The following PLEKHA1 variants were observed in gnomAD, a reference collection of about 807,000 sequenced individuals.
PLEKHA1 encodes pleckstrin homology domain-containing family A member 1.
In PLEKHA1, 34 loss-of-function variants were observed where a neutral mutation model predicts 52.0. That is an observed-to-expected ratio of 0.65 (90% CI 0.50 to 0.87). PLEKHA1 has a LOEUF of 0.87. Among genes scored for constraint, PLEKHA1 ranks in the 40% least tolerant of loss-of-function variants. PLEKHA1 has a pLI of 0.00. For synonymous variants in PLEKHA1, 163 were observed against 170.7 expected (o/e 0.95, Z 0.35); for missense variants, 497 against 504.2 (o/e 0.99, Z 0.14).
chr10:122,398,578 G>A (rs2096883116), intron 3 of PLEKHA1, among the ~76,000 whole-genome samples: 1 of 143,592 alleles, frequency 7.0e-6, no homozygotes, highest in African/African-American at 2.5e-5. Flanking sequence ...ATGCTGAGGT[G>A]CTAACCCTAT....
chr10:122,431,616 C>T lies in PLEKHA1; in HGVS notation c.*1678C>T, dbSNP rs2097417676. On this transcript the variant is annotated 3_prime_UTR_variant, in exon 12 of 12. Transcript: ENST00000368990. ...GAGACAGAAAAATTTCCTACTACAGCAGTGCAGTCCAGAGGTTAAGATGTA... is the reference window on the plus strand; with the variant it reads ...GAGACAGAAAAATTTCCTACTACAGTAGTGCAGTCCAGAGGTTAAGATGTA... The T allele has an allele frequency of 6.6e-6, 1 of 152,600 alleles. No individual in the cohort carries two copies. The highest frequency in any genetic ancestry group is 2.4e-5 in the African/African-American group (1 of 41,436). 9.5% of individuals were successfully genotyped at this position (152,600 alleles called of 1,614,324 possible).
At chr10:122,418,030 TTATA>T in intron 8 of PLEKHA1, 62 bp downstream of exon 8, 6 of 1,297,436 alleles carry the variant, frequency 4.6e-6, no homozygotes, top group Non-Finnish European at 6.6e-6. Context: ...AATGTAGTGA[TTATA>T]TATAATTTCT....
At position 122,413,013 on chromosome 10, in the gene PLEKHA1, G is replaced by A. The variant is rs541691922; in HGVS notation, c.436G>A (p.Val146Ile). The A allele has an allele frequency of 3.7e-6, 6 of 1,613,368 alleles. No individual in the cohort carries two copies. The highest frequency in any genetic ancestry group is 1.1e-5 in the South Asian group (1 of 91,022). ...KKQVSYRTDIVGGVPIITPTQ... is the reference protein window; with the variant it reads ...KKQVSYRTDIIGGVPIITPTQ... ...GCAAGTGTCTTACAGAACTGATATT[G>A]TTGGTGGCGTACCCATCATTACTCC... Residue 146 changes from valine (V) to isoleucine (I), a missense_variant, in exon 6 of 12, where the codon GTT (valine) becomes ATT (isoleucine). Transcript: ENST00000368990.
chr10:122,439,150 T>A, the PLEKHA1 span: 1 of 152,222 alleles, frequency 6.6e-6, no homozygotes, highest in Non-Finnish European at 1.5e-5. Flanking sequence ...AATATTTTTA[T>A]CCCTCTTTAA....
chr10:122,411,526 C>T (rs887853903), intron 5 of PLEKHA1, among the ~76,000 whole-genome samples: 6 of 152,158 alleles, frequency 3.9e-5, no homozygotes, highest in Non-Finnish European at 8.8e-5. Context: ...GGTTTTAGAG[C>T]AGTGTTTCTC....
At chr10:122,442,424 T>C in the PLEKHA1 span, 1 of 152,206 alleles carries the variant, frequency 6.6e-6, no homozygotes, top group African/African-American at 2.4e-5. Context: ...ATAAAAATGA[T>C]TTGTAATTTC....
At chr10:122,377,853 A>G (rs1220165078) in intron 1 of PLEKHA1, among the ~76,000 whole-genome samples, 1 of 152,202 alleles carries the variant, frequency 6.6e-6, no homozygotes, top group Non-Finnish European at 1.5e-5. Context: ...GATAATATTC[A>G]GGAAGATAGG....
intron 3 of PLEKHA1, among the ~76,000 whole-genome samples, chr10:122,398,659 T>C (rs967819118): frequency 6.6e-6 from 1 of 151,742 alleles, no homozygotes; most frequent in African/African-American, 2.4e-5. Context: ...GTTTGTTGAT[T>C]ACTTATATAT....
At chr10:122,383,403 T>G (rs549331905) in intron 1 of PLEKHA1, among the ~76,000 whole-genome samples, 1 of 147,678 alleles carries the variant, frequency 6.8e-6, no homozygotes, top group African/African-American at 2.5e-5. Context: ...TACTGCAGAC[T>G]CAATCTCCTG....
At chr10:122,408,611 TA>T (rs1486550548) in intron 5 of PLEKHA1, among the ~76,000 whole-genome samples, 7 of 152,160 alleles carry the variant, frequency 4.6e-5, no homozygotes, top group Non-Finnish European at 1.0e-4. Context: ...GATTTGATAG[TA>T]CTTATTAAAA....
intron 10 of PLEKHA1, among the ~76,000 whole-genome samples, chr10:122,426,316 A>G (rs1198957617): frequency 6.7e-6 from 1 of 149,756 alleles, no homozygotes; most frequent in Non-Finnish European, 1.5e-5. Context: ...AGTCTTTGTT[A>G]ATATTACTTA....
chr10:122,426,865 C>T lies in PLEKHA1; in HGVS notation c.811-77C>T, dbSNP rs979157549. ...TGTTGATGACAGTATTTTAAGTTAT[C>T]AAAATAAATACATTGGCTGTATAGA... On this transcript the variant is annotated intron_variant, in intron 10 of 11. Coordinates refer to ENST00000368990, the MANE Select transcript of PLEKHA1 (RefSeq NM_001001974.4). 11 of 1,222,890 alleles carry T rather than the reference C, an allele frequency of 9.0e-6. No individual in the cohort carries two copies. In the East Asian group the frequency reaches 1.7e-4, roughly 19 times the overall value. 75.8% of individuals were successfully genotyped at this position (1,222,890 alleles called of 1,614,324 possible). A position where few individuals can be genotyped will look rare whatever the true frequency, so the allele number is the denominator to read the frequency against.
intron 6 of PLEKHA1, among the ~76,000 whole-genome samples, chr10:122,414,964 C>A (rs1045707987): frequency 6.6e-6 from 1 of 151,552 alleles, no homozygotes; most frequent in Admixed American, 6.6e-5. Context: ...AGGTGTTTAT[C>A]GTAGAGAAAG....
In PLEKHA1 at chr10:122,430,050, C is replaced by A; in HGVS notation, c.*112C>A. 1.7e-6 allele frequency: 2 copies of A among 1,147,646 alleles called. No individual in the cohort carries two copies. The highest frequency in any genetic ancestry group is 2.4e-6 in the Non-Finnish European group (2 of 825,990). 71.1% of individuals were successfully genotyped at this position (1,147,646 alleles called of 1,614,324 possible). A position where few individuals can be genotyped will look rare whatever the true frequency, so the allele number is the denominator to read the frequency against. The stretch of plus-strand genomic sequence containing the variant: ...GGTTTTTAGTGCGTATATTATACTG[C>A]CTCTTAGGTGTACTCTTTATAAGCT... On this transcript the variant is annotated 3_prime_UTR_variant, in exon 12 of 12. Coordinates refer to ENST00000368990, the MANE Select transcript of PLEKHA1 (RefSeq NM_001001974.4).
downstream of PLEKHA1, chr10:122,433,535 T>A (rs1032488683): frequency 7.9e-5 from 12 of 152,290 alleles, no homozygotes; most frequent in East Asian, 2.3e-3. Flanking sequence ...TGTTCTTTTT[T>A]TTTTTCTCAG....
intron 6 of PLEKHA1, 43 bp downstream of exon 6, chr10:122,413,088 T>C: frequency 2.6e-6 from 4 of 1,513,458 alleles, no homozygotes; most frequent in Non-Finnish European, 3.6e-6. Flanking sequence ...CTAATTATTG[T>C]ATATTGATTT....
chr10:122,397,847 T>C, intron 2 of PLEKHA1, 71 bp from the exon 3 acceptor site: 1 of 1,193,128 alleles, frequency 8.4e-7, no homozygotes, highest in South Asian at 1.5e-5. Flanking sequence ...CAGAAGTATA[T>C]GTGGAACATT....
chr10:122,406,751 G>A, intron 5 of PLEKHA1, 78 bp downstream of exon 5: 1 of 1,067,910 alleles, frequency 9.4e-7, no homozygotes, highest in South Asian at 1.3e-5. Flanking sequence ...CCTACCAAAT[G>A]TTCCCAGCTT....
chr10:122,388,957 C>A (rs139065353), intron 1 of PLEKHA1, among the ~76,000 whole-genome samples: 119 of 152,286 alleles, frequency 7.8e-4, no homozygotes, highest in African/African-American at 1.7e-3. Context: ...CTGTTTCTGC[C>A]ATATTTGTAG....
Sources: gnomAD v4.1 joint callset for allele counts (sites outside exome capture counted in the v4.1 genomes callset) on GRCh38, gnomAD v4.1.1 for gene constraint, MANE v1.5 for transcripts, NCBI Gene and HGNC (gene_info 2026-07-23, HGNC 2026-07-21) for gene names.